The following ACSL6 variants were observed in gnomAD, a reference collection of about 807,000 sequenced individuals.
ACSL6 encodes the protein acyl-CoA synthetase long chain family member 6.
Under a neutral mutation model 98.2 loss-of-function variants are expected in ACSL6, and 47 were observed. That is an observed-to-expected ratio of 0.48 (90% CI 0.38 to 0.61). ACSL6 has a LOEUF of 0.61. ACSL6 is among the 20% of genes least tolerant of loss of function. The probability of loss-of-function intolerance (pLI) is 0.00; values close to 1 mark genes in which losing one functional copy is unlikely to be tolerated. For missense variants in ACSL6, 761 were observed against 913.4 expected, an observed-to-expected ratio of 0.83 and a Z score of 2.15; for synonymous variants, 362 against 336.9, an observed-to-expected ratio of 1.07 and a Z score of -0.82.
Position 131,953,607 on chromosome 5 carries a change from A to G in ACSL6, c.*627T>C, listed in dbSNP as rs893219336. On this transcript the variant is annotated 3_prime_UTR_variant, in exon 21 of 21. Coordinates refer to ENST00000651883, the MANE Select transcript of ACSL6 (RefSeq NM_001009185.3). Reference sequence around the variant, plus strand: ...GTGACAGAGCAGACCCTGTCTCAAAACAAAAAGGAAAAAAAGAATTTCTGA... The same window carrying G: ...GTGACAGAGCAGACCCTGTCTCAAAGCAAAAAGGAAAAAAAGAATTTCTGA... 5.4e-6 allele frequency: 1 copy of G among 186,434 alleles called. No homozygotes were observed. Among genetic ancestry groups the G allele is most frequent in the Non-Finnish European group, 1.1e-5 (1 of 88,136 alleles). The allele number at this position is 186,434 out of a possible 1,614,324, so 11.5% of individuals were successfully genotyped here.
At chr5:131,966,615 A>T (rs1033394859) in intron 16 of ACSL6, 83 bp from the exon 17 acceptor site, 32 of 1,200,280 alleles carry the variant, frequency 2.7e-5, no homozygotes, top group Non-Finnish European at 3.6e-5. Flanking sequence ...ATACGGAGAT[A>T]AGGTGCACTA....
rs374665597 is a variant in ACSL6, at chr5:131,988,114, G to A, written c.765C>T (p.Phe255=). 44 of 1,614,008 alleles carry A rather than the reference G, an allele frequency of 2.7e-5. No homozygotes were observed. The highest frequency in any genetic ancestry group is 1.7e-4 in the Admixed American group (10 of 59,992). Residue 255 remains phenylalanine, a synonymous_variant, in exon 7 of 21, where the codon TTC becomes TTT. Coordinates refer to ENST00000651883, the MANE Select transcript of ACSL6 (RefSeq NM_001009185.3). ...GLKLIILMDP[F]EEALKERGQK... is the part of the protein sequence containing the mutation. The stretch of plus-strand genomic sequence containing the variant: ...GCCCTCTCTCTTTCAGGGCTTCTTC[G>A]AATGGGTCCATGAGGATGATCAGCT...
intron 18 of ACSL6, 117 bp downstream of exon 18, chr5:131,962,418 T>C (rs1209541401): frequency 8.1e-7 from 1 of 1,239,550 alleles, no homozygotes; most frequent in Non-Finnish European, 1.1e-6. Flanking sequence ...AAAGGAGTTT[T>C]CTCTCATGTT....
chr5:131,978,794 C>T (rs999720018), intron 9 of ACSL6, among the ~76,000 whole-genome samples: 1 of 152,150 alleles, frequency 6.6e-6, no homozygotes, highest in Admixed American at 6.5e-5. Flanking sequence ...AATTATATCC[C>T]AGGAGGCCTA....
chr5:132,007,199 G>C (rs1580707439), intron 1 of ACSL6, among the ~76,000 whole-genome samples: 1 of 152,162 alleles, frequency 6.6e-6, no homozygotes, highest in Non-Finnish European at 1.5e-5. Flanking sequence ...CACATGCCCA[G>C]TTCTACCCAC....
At chr5:131,966,362 A>C in intron 17 of ACSL6, 54 bp downstream of exon 17, 1 of 1,565,728 alleles carries the variant, frequency 6.4e-7, no homozygotes. Flanking sequence ...GACCCGGACC[A>C]CACACCCTCC....
chr5:131,965,562 A>G (rs1752972338), intron 17 of ACSL6, among the ~76,000 whole-genome samples: 2 of 152,134 alleles, frequency 1.3e-5, no homozygotes, highest in South Asian at 2.1e-4. Flanking sequence ...TCTATTAAAA[A>G]TACAAAAAAG....
At chr5:131,998,772 T>A (rs1161628426) in intron 1 of ACSL6, among the ~76,000 whole-genome samples, 1 of 152,230 alleles carries the variant, frequency 6.6e-6, no homozygotes, top group East Asian at 1.9e-4. Context: ...GTGCTTGCCC[T>A]GTTACCAAAG....
At chr5:131,989,603 T>C in intron 4 of ACSL6, 95 bp from the exon 5 acceptor site, 2 of 985,552 alleles carry the variant, frequency 2.0e-6, no homozygotes, top group East Asian at 5.4e-5. Context: ...TTTTTTTTTT[T>C]TTTTTTTTTT....
At chr5:132,012,114 TG>T (rs2126985719), upstream of ACSL6, 4 of 657,612 alleles carry the variant, frequency 6.1e-6, no homozygotes, top group South Asian at 9.9e-5. Context: ...CACACTCCTG[TG>T]GGCTGTTGCC....
intron 9 of ACSL6, chr5:131,985,158 C>G: frequency 1.9e-6 from 1 of 536,640 alleles, no homozygotes; most frequent in South Asian, 2.0e-5. Flanking sequence ...GCCCATGACT[C>G]TGCTGACTCA....
chr5:131,985,610 C>G, intron 8 of ACSL6, 152 bp from the exon 9 acceptor site: 1 of 771,186 alleles, frequency 1.3e-6, no homozygotes, highest in South Asian at 1.6e-5. Flanking sequence ...CTGTGTGCTG[C>G]GCTCAGAAAG....
At chr5:132,000,967 G>A (rs867751643) in intron 1 of ACSL6, among the ~76,000 whole-genome samples, 6 of 152,076 alleles carry the variant, frequency 3.9e-5, no homozygotes, top group African/African-American at 1.2e-4. Flanking sequence ...TGAGAAGAGC[G>A]TCCTGCCTCA....
Position 131,973,365 on chromosome 5 carries a change from G to C in ACSL6, c.1104C>G (p.Phe368Leu). 6.2e-7 allele frequency: 1 copy of C among 1,614,218 alleles called. No homozygotes were observed. The highest frequency in any genetic ancestry group is 8.5e-7 in the Non-Finnish European group (1 of 1,180,032). Residue 368 changes from phenylalanine to leucine, a missense_variant, in exon 12 of 21, where the codon TTC becomes TTG. Transcript: ENST00000651883. Reference protein sequence around the residue: ...VVYCHGGRVGFFQGDIRLLSD... With the variant: ...VVYCHGGRVGLFQGDIRLLSD... ...AGAGAAGGCGGATATCTCCCTGGAAGAAGCCAACACGCCCTCCGTGGCAAT... is the reference window on the plus strand; with the variant it reads ...AGAGAAGGCGGATATCTCCCTGGAACAAGCCAACACGCCCTCCGTGGCAAT...
intron 17 of ACSL6, 117 bp from the exon 18 acceptor site, chr5:131,962,795 T>C: frequency 8.4e-7 from 1 of 1,194,648 alleles, no homozygotes; most frequent in Non-Finnish European, 1.2e-6. Context: ...CCCGATTTCT[T>C]TTCCATCTGT....
chr5:131,975,518 G>A, intron 10 of ACSL6: 2 of 985,340 alleles, frequency 2.0e-6, no homozygotes, highest in East Asian at 1.1e-4. Context: ...CTAAGTCTAT[G>A]CAACTGTGGC....
intron 17 of ACSL6, 71 bp downstream of exon 17, chr5:131,966,345 C>T: frequency 6.9e-7 from 1 of 1,453,282 alleles, no homozygotes. Context: ...AAGACTCCTG[C>T]CTCAGTGACC....
At chr5:131,994,530 T>C (rs993831906) in intron 1 of ACSL6, 3 of 442,494 alleles carry the variant, frequency 6.8e-6, no homozygotes, top group African/African-American at 3.9e-5. Flanking sequence ...GCTGCTTCCA[T>C]ATTTTCCAGG....
chr5:131,976,576 A>G, intron 10 of ACSL6, 72 bp downstream of exon 10: 1 of 1,323,928 alleles, frequency 7.6e-7, no homozygotes, highest in Non-Finnish European at 1.1e-6. Flanking sequence ...AAACAAACAA[A>G]TAAAAAAAAA....
Sources: gnomAD v4.1 joint callset for allele counts (sites outside exome capture counted in the v4.1 genomes callset) on GRCh38, gnomAD v4.1.1 for gene constraint, MANE v1.5 for transcripts, NCBI Gene and HGNC (gene_info 2026-07-23, HGNC 2026-07-21) for gene names.